The following TTC23 variants were observed in gnomAD, a reference collection of about 807,000 sequenced individuals.
TTC23 encodes tetratricopeptide repeat domain 23, also known as tetratricopeptide repeat protein 23.
In TTC23, 58 loss-of-function variants were observed where a neutral mutation model predicts 55.1. That is an observed-to-expected ratio of 1.05 (90% CI 0.85 to 1.31). TTC23 has a LOEUF of 1.31. TTC23 is among the 50% of genes most tolerant of loss of function. The pLI, the probability that TTC23 is intolerant of heterozygous loss-of-function variation, is 0.00. For missense variants in TTC23, 516 were observed against 534.4 expected, an observed-to-expected ratio of 0.97 and a Z score of 0.34; for synonymous variants, 203 against 199.9, an observed-to-expected ratio of 1.02 and a Z score of -0.13.
intron 3 of TTC23, among the ~76,000 whole-genome samples, chr15:99,235,436 T>G (rs2079242330): frequency 6.6e-6 from 1 of 151,472 alleles, no homozygotes; most frequent in African/African-American, 2.4e-5. Context: ...AGTGGCGCGA[T>G]CTCGGCTCAC....
chr15:99,163,084 A>AG (rs1437675087), intron 10 of TTC23, among the ~76,000 whole-genome samples: 2 of 118,882 alleles, frequency 1.7e-5, no homozygotes, highest in Non-Finnish European at 3.5e-5. Context: ...ACCCTGTCTC[A>AG]AAAAACAAAC....
At chr15:99,226,445 G>C (rs967566029) in intron 5 of TTC23, among the ~76,000 whole-genome samples, 3 of 152,162 alleles carry the variant, frequency 2.0e-5, no homozygotes, top group Non-Finnish European at 4.4e-5. Context: ...AGTGAATCTT[G>C]TGCCTTTTCT....
intron 2 of TTC23, among the ~76,000 whole-genome samples, chr15:99,243,902 G>C (rs576501045): frequency 6.6e-6 from 1 of 152,242 alleles, no homozygotes; most frequent in Non-Finnish European, 1.5e-5. Flanking sequence ...ATAAGATCTA[G>C]TACTTGATAT....
At chr15:99,217,592 G>A (rs1167270116) in intron 8 of TTC23, among the ~76,000 whole-genome samples, 2 of 152,180 alleles carry the variant, frequency 1.3e-5, no homozygotes, top group African/African-American at 2.4e-5. Context: ...AGAAAAGATC[G>A]GAGATGAAGG....
At chr15:99,236,992 T>TC (rs1164822637) in intron 3 of TTC23, among the ~76,000 whole-genome samples, 1 of 151,820 alleles carries the variant, frequency 6.6e-6, no homozygotes, top group Non-Finnish European at 1.5e-5. Flanking sequence ...GTTTTTTTTT[T>TC]TTTTTTGAGA....
At chr15:99,183,556 G>C (rs1047504617) in intron 9 of TTC23, among the ~76,000 whole-genome samples, 1 of 142,972 alleles carries the variant, frequency 7.0e-6, no homozygotes, top group Admixed American at 7.3e-5. Context: ...TAGCCAGATG[G>C]TCTCAATCTC....
rs760600439 is a variant in TTC23 at position 99,218,609 on chromosome 15, C to G, written c.560G>C (p.Arg187Pro). Residue 187 changes from arginine (R) to proline (P), a missense_variant, in exon 8 of 14, where the codon CGG (arginine) becomes CCG (proline). By Grantham distance (103) the Arg-to-Pro change is moderately radical. Transcript: ENST00000394132. ...TTACTGTGCAAATGATAATCTGATCCGTGCTTCAATTTCTATCCATTCTTC... is the reference window on the plus strand; with the variant it reads ...TTACTGTGCAAATGATAATCTGATCGGTGCTTCAATTTCTATCCATTCTTC... ...IKEEWIEIEA[R>P]IRLSFAQVYQ... 1.9e-6 allele frequency: 3 copies of G among 1,614,150 alleles called. No homozygotes were observed. The Admixed American group carries it at 5.0e-5, about 27-fold the overall frequency.
chr15:99,187,032 G>T lies in TTC23; in HGVS notation c.760-11877C>A, dbSNP rs1490922345. On this transcript the variant is annotated intron_variant, in intron 9 of 13. Transcript: ENST00000394132. ...AGAATCTTAAAAAAGAAGAACAAAA[G>T]TTAGAGATTCACACTGATTTCAAAA... Among the ~76,000 whole-genome samples the T allele has an allele frequency of 2.6e-5, 4 of 152,000 alleles. No individual in the cohort carries two copies. The East Asian group carries it at 7.7e-4, about 29-fold the overall frequency.
At chr15:99,157,452 TCCAC>T (rs2070766906) in intron 11 of TTC23, 1 of 152,138 alleles carries the variant, frequency 6.6e-6, no homozygotes. Context: ...CCTCAAGTGA[TCCAC>T]CCACCTTGGC....
intron 8 of TTC23, among the ~76,000 whole-genome samples, chr15:99,207,628 G>T (rs1173845605): frequency 6.6e-6 from 1 of 152,148 alleles, no homozygotes; most frequent in Non-Finnish European, 1.5e-5. Context: ...CTGGTGGCAT[G>T]TGCCTGTAAT....
chr15:99,174,394 A>C (rs970201165), intron 10 of TTC23, among the ~76,000 whole-genome samples: 6 of 150,984 alleles, frequency 4.0e-5, no homozygotes, highest in African/African-American at 1.2e-4. Context: ...AATTATTTTT[A>C]TCTGATATCT....
intron 8 of TTC23, among the ~76,000 whole-genome samples, chr15:99,214,806 G>C (rs1041772222): frequency 6.6e-6 from 1 of 150,758 alleles, no homozygotes; most frequent in Non-Finnish European, 1.5e-5. Flanking sequence ...TTGCTATGCG[G>C]GTGTTCTTTT....
chr15:99,203,449 C>A (rs1246408263), intron 8 of TTC23, among the ~76,000 whole-genome samples: 1 of 152,032 alleles, frequency 6.6e-6, no homozygotes. Flanking sequence ...TCACCTCAAG[C>A]ATTTATCATT....
Position 99,139,316 on chromosome 15 carries a change from C to G in TTC23, c.1226+1G>C, listed in dbSNP as rs192173095. ...AGAAAGTGTGAGGGACGCCAACTCA[C>G]GTGGACAGCATGCCCATGGCCTGCT... On this transcript the variant is annotated splice_donor_variant, in intron 13 of 13. Transcript: ENST00000394132. LOFTEE classifies it high-confidence loss of function. The G allele has an allele frequency of 4.7e-5, 75 of 1,612,202 alleles. No homozygotes were observed. Among genetic ancestry groups the G allele is most frequent in the Non-Finnish European group, 5.8e-5 (69 of 1,180,002 alleles).
intron 10 of TTC23, among the ~76,000 whole-genome samples, chr15:99,166,733 AT>A (rs1046195921): frequency 3.3e-5 from 5 of 151,950 alleles, no homozygotes; most frequent in Non-Finnish European, 4.4e-5. Flanking sequence ...TGCTTTTCCC[AT>A]TTTTGTTCCT....
chr15:99,139,283 TGAGATAGA>T (rs1567300807), intron 13 of TTC23, 26 bp downstream of exon 13: 1 of 1,563,090 alleles, frequency 6.4e-7, no homozygotes, highest in Admixed American at 1.7e-5. Context: ...GGAAAGGGAA[TGAGATAGA>T]GAAAGTGTGA....
chr15:99,193,517 C>T (rs1412511656), intron 9 of TTC23, among the ~76,000 whole-genome samples: 1 of 152,176 alleles, frequency 6.6e-6, no homozygotes, highest in Non-Finnish European at 1.5e-5. Context: ...CTTGCTCCTC[C>T]TTGCCTTCTG....
intron 13 of TTC23, 101 bp downstream of exon 13, chr15:99,139,216 T>G (rs1555488722): frequency 1.4e-6 from 2 of 1,465,608 alleles, no homozygotes; most frequent in African/African-American, 1.4e-5. Context: ...CAGCAAAACA[T>G]TCCAGAGAAG....
Position 99,228,497 on chromosome 15 carries a change from C to T in TTC23, c.180+36G>A, listed in dbSNP as rs371471958. On this transcript the variant is annotated intron_variant, in intron 5 of 13. Transcript: ENST00000394132. The stretch of plus-strand genomic sequence containing the variant: ...CTTGATTATACCATATAGCTCAATT[C>T]TCAGAGTAGAAATACAGAAACAAAA... The T allele has an allele frequency of 1.9e-4, 288 of 1,551,598 alleles. 1 individual carries two copies. The African/African-American group carries it at 3.7e-3, about 20-fold the overall frequency.
Sources: allele counts gnomAD v4.1 joint callset (sites outside exome capture counted in the v4.1 genomes callset), GRCh38; gene constraint gnomAD v4.1.1; transcripts MANE v1.5; gene names NCBI Gene and HGNC (gene_info 2026-07-23, HGNC 2026-07-21).